ACACB: variants seen among roughly 807,000 people sequenced by gnomAD.
ACACB encodes acetyl-CoA carboxylase 2.
In ACACB, 209 loss-of-function variants were observed where a neutral mutation model predicts 278.8. That is an observed-to-expected ratio of 0.75 (90% CI 0.67 to 0.84). The LOEUF is 0.84. Ranked by LOEUF, ACACB falls within the 40% of genes least tolerant of loss-of-function variation. The pLI, the probability that ACACB is intolerant of heterozygous loss-of-function variation, is 0.00. For missense variants in ACACB, 2,850 were observed against 3,269.0 expected, an observed-to-expected ratio of 0.87 and a Z score of 3.13; for synonymous variants, 1,174 against 1,285.6, an observed-to-expected ratio of 0.91 and a Z score of 1.86.
chr12:109,208,659 G>A (rs967996112), intron 20 of ACACB, among the ~76,000 whole-genome samples: 1 of 152,132 alleles, frequency 6.6e-6, no homozygotes, highest in African/African-American at 2.4e-5. Flanking sequence ...AACAGCATAG[G>A]GCAGCAGTTC....
chr12:109,248,653 T>C (rs1158616568), intron 40 of ACACB, among the ~76,000 whole-genome samples: 1 of 152,210 alleles, frequency 6.6e-6, no homozygotes, highest in African/African-American at 2.4e-5. Context: ...CTGCTTTTTC[T>C]AGCCGCGCTG....
At chr12:109,179,394 A>C (rs1324364824) in intron 10 of ACACB, 97 bp downstream of exon 10, 1 of 1,302,396 alleles carries the variant, frequency 7.7e-7, no homozygotes, top group Non-Finnish European at 1.1e-6. Context: ...GAATGGTGGC[A>C]TGGGTGCCTA....
chr12:109,170,494 A>G (rs1369563594), intron 4 of ACACB, among the ~76,000 whole-genome samples: 1 of 152,224 alleles, frequency 6.6e-6, no homozygotes, highest in Non-Finnish European at 1.5e-5. Flanking sequence ...ATATGTTACA[A>G]CACAGATGAA....
intron 21 of ACACB, 68 bp downstream of exon 21, chr12:109,209,421 C>T (rs747454692): frequency 9.4e-6 from 14 of 1,481,672 alleles, no homozygotes; most frequent in Non-Finnish European, 1.3e-5. Context: ...CGGTCTGGCT[C>T]GATATCTGGC....
At chr12:109,186,266 G>A (rs1405179430) in intron 12 of ACACB, among the ~76,000 whole-genome samples, 1 of 152,262 alleles carries the variant, frequency 6.6e-6, no homozygotes, top group South Asian at 2.1e-4. Context: ...GCCAGGCTCT[G>A]GGCCGAGCCT....
At chr12:109,226,643 G>A (rs1370047976) in intron 27 of ACACB, among the ~76,000 whole-genome samples, 1 of 145,946 alleles carries the variant, frequency 6.9e-6, no homozygotes, top group African/African-American at 2.6e-5. Context: ...AGGTTGTGGT[G>A]AGCTGAGATC....
chr12:109,167,640 TA>T (rs1354427123), intron 3 of ACACB, among the ~76,000 whole-genome samples: 1 of 133,718 alleles, frequency 7.5e-6, no homozygotes, highest in African/African-American at 2.9e-5. Flanking sequence ...TATATATATA[TA>T]TATATATATA....
chr12:109,229,942 T>G (rs114835950), intron 28 of ACACB, among the ~76,000 whole-genome samples: 2,028 of 152,302 alleles, frequency 0.013, 53 homozygotes, highest in African/African-American at 0.046. Flanking sequence ...GTGGGATACC[T>G]TCTCTTAAAG....
At chr12:109,172,443 G>A in intron 6 of ACACB, 87 bp downstream of exon 6, 2 of 1,257,696 alleles carry the variant, frequency 1.6e-6, no homozygotes, top group African/African-American at 1.5e-5. Flanking sequence ...CTCCTGTCCT[G>A]TAAAGCGGAG....
At chr12:109,155,868 G>A (rs1366230207) in intron 2 of ACACB, among the ~76,000 whole-genome samples, 23 of 152,158 alleles carry the variant, frequency 1.5e-4, no homozygotes, top group Admixed American at 1.5e-3. Context: ...ACTGCAGCCT[G>A]CTCATCGATT....
chr12:109,173,917 C>A (rs1393954456), intron 6 of ACACB, among the ~76,000 whole-genome samples: 1 of 152,206 alleles, frequency 6.6e-6, no homozygotes, highest in African/African-American at 2.4e-5. Flanking sequence ...GGTTTACAAT[C>A]CACATACGTT....
chr12:109,157,092 A>G (rs532196878), intron 2 of ACACB, among the ~76,000 whole-genome samples: 2 of 152,140 alleles, frequency 1.3e-5, no homozygotes, highest in African/African-American at 4.8e-5. Flanking sequence ...TAATATGGAC[A>G]TACTTTGTTG....
At chr12:109,199,643 T>C in intron 18 of ACACB, 91 bp downstream of exon 18, 1 of 1,249,098 alleles carries the variant, frequency 8.0e-7, no homozygotes, top group Non-Finnish European at 1.0e-6. Flanking sequence ...GGCCTACCTC[T>C]CCCCTTGACC....
chr12:109,151,078 C>T (rs1238634317), intron 2 of ACACB, among the ~76,000 whole-genome samples: 4 of 151,296 alleles, frequency 2.6e-5, no homozygotes, highest in Admixed American at 6.6e-5. Context: ...GCCCGGGTCC[C>T]GGTTCAAGCA....
At chr12:109,210,885 GA>G (rs544983136) in intron 21 of ACACB, among the ~76,000 whole-genome samples, 77 of 105,198 alleles carry the variant, frequency 7.3e-4, no homozygotes, top group South Asian at 8.5e-4. Flanking sequence ...CTGTGCTCCA[GA>G]AAAAAAAAAA....
intron 21 of ACACB, among the ~76,000 whole-genome samples, chr12:109,211,853 C>G (rs2045859523): frequency 6.6e-6 from 1 of 152,116 alleles, no homozygotes; most frequent in Non-Finnish European, 1.5e-5. Flanking sequence ...AGGATCCTAA[C>G]TGAAAAAGTA....
chr12:109,262,088 C>G (rs374662608), intron 48 of ACACB, among the ~76,000 whole-genome samples: 3 of 151,994 alleles, frequency 2.0e-5, no homozygotes, highest in Non-Finnish European at 4.4e-5. Context: ...AAAAGTCGTA[C>G]ACTCTTAGAC....
intron 26 of ACACB, 22 bp downstream of exon 26, chr12:109,222,934 C>G (rs375286827): frequency 1.3e-5 from 20 of 1,559,498 alleles, no homozygotes; most frequent in African/African-American, 2.7e-5. Flanking sequence ...TCCTTCCTTT[C>G]ACCATCTGCA....
chr12:109,158,133 C>T (rs575677387), intron 2 of ACACB, among the ~76,000 whole-genome samples: 2 of 152,238 alleles, frequency 1.3e-5, no homozygotes, highest in Admixed American at 6.5e-5. Flanking sequence ...GTTGAAAACT[C>T]GTGCCTAGCT....
Sources: allele counts gnomAD v4.1 joint callset (sites outside exome capture counted in the v4.1 genomes callset), GRCh38; gene constraint gnomAD v4.1.1; transcripts MANE v1.5; gene names NCBI Gene and HGNC (gene_info 2026-07-23, HGNC 2026-07-21).